The following STARD9 variants were observed in gnomAD, a reference collection of about 807,000 sequenced individuals.
STARD9 encodes StAR related lipid transfer domain containing 9, also known as stAR-related lipid transfer protein 9.
A neutral mutation model predicts 399.8 loss-of-function variants in STARD9; 346 were observed. The ratio of observed to expected loss-of-function variants is 0.87; its 90% CI spans 0.79 to 0.95. The LOEUF (loss-of-function observed/expected upper bound fraction) is 0.95, where lower values mean the gene tolerates loss of function less well. Ranked by LOEUF, STARD9 falls within the 40% of genes least tolerant of loss-of-function variation. The probability of loss-of-function intolerance (pLI) is 0.00; values close to 1 mark genes in which losing one functional copy is unlikely to be tolerated. For synonymous variants in STARD9, 2,203 were observed against 2,143.5 expected (o/e 1.03, Z -0.77); for missense variants, 5,832 against 5,667.5 (o/e 1.03, Z -0.93).
intron 3 of STARD9, 61 bp downstream of exon 3, chr15:42,585,698 T>C: frequency 9.3e-7 from 1 of 1,073,504 alleles, no homozygotes; most frequent in Non-Finnish European, 1.4e-6. Flanking sequence ...ATATTTAAGA[T>C]GTTTATTATA....
intron 7 of STARD9, among the ~76,000 whole-genome samples, chr15:42,642,558 AATCTAT>A (rs1162438364): frequency 2.0e-5 from 3 of 152,188 alleles, no homozygotes; most frequent in Non-Finnish European, 4.4e-5. Context: ...CTGTGTACTC[AATCTAT>A]AAGTCACAGG....
chr15:42,664,816 ACACACACAC>A (rs2060059662), intron 13 of STARD9, among the ~76,000 whole-genome samples: 1 of 149,580 alleles, frequency 6.7e-6, no homozygotes, highest in African/African-American at 2.5e-5. Flanking sequence ...ACACACACAC[ACACACACAC>A]CCCATACGTA....
At chr15:42,614,130 G>A (rs2058909407) in intron 3 of STARD9, among the ~76,000 whole-genome samples, 1 of 151,926 alleles carries the variant, frequency 6.6e-6, no homozygotes, top group South Asian at 2.1e-4. Context: ...GACCAACATG[G>A]TGAAACCCCG....
chr15:42,613,705 C>G (rs1379109926), intron 3 of STARD9, among the ~76,000 whole-genome samples: 1 of 152,192 alleles, frequency 6.6e-6, no homozygotes, highest in African/African-American at 2.4e-5. Flanking sequence ...TGGCTCACAC[C>G]TGTAATCCCA....
At chr15:42,619,551 C>CAAAA (rs35639156) in intron 3 of STARD9, among the ~76,000 whole-genome samples, 1 of 135,190 alleles carries the variant, frequency 7.4e-6, no homozygotes, top group Non-Finnish European at 1.6e-5. Context: ...AAGACTGTCT[C>CAAAA]AAAAAAAAAA....
rs1595728721 is a variant in STARD9, at chr15:42,663,230, A to G, written c.869-51A>G. 7 of 1,449,402 alleles carry G rather than the reference A, an allele frequency of 4.8e-6. No individual in the cohort carries two copies. The Admixed American group carries it at 6.4e-5, about 13-fold the overall frequency. 89.8% of individuals were successfully genotyped at this position (1,449,402 alleles called of 1,614,324 possible). A position where few individuals can be genotyped will look rare whatever the true frequency, so the allele number is the denominator to read the frequency against. The stretch of plus-strand genomic sequence containing the variant: ...TCCAACCATTGTTTTGTTTTAATAT[A>G]TTTGCTTCATAATTCCTTCTTTCTT... On this transcript the variant is annotated intron_variant, in intron 11 of 32. Coordinates refer to ENST00000290607, the MANE Select transcript of STARD9 (RefSeq NM_020759.3).
At chr15:42,582,081 G>A (rs2058184137) in intron 1 of STARD9, among the ~76,000 whole-genome samples, 1 of 152,210 alleles carries the variant, frequency 6.6e-6, no homozygotes, top group African/African-American at 2.4e-5. Flanking sequence ...TGAGGCTGCA[G>A]TGAGCTATGA....
intron 7 of STARD9, among the ~76,000 whole-genome samples, chr15:42,647,942 A>C (rs991675778): frequency 3.3e-5 from 5 of 152,352 alleles, no homozygotes; most frequent in African/African-American, 1.2e-4. Flanking sequence ...TTGATTTATC[A>C]AAGTCTAATA....
At chr15:42,682,695 A>G (rs1247130996) in intron 22 of STARD9, 120 bp downstream of exon 22, 1 of 781,904 alleles carries the variant, frequency 1.3e-6, no homozygotes. Flanking sequence ...AAGAATGTGT[A>G]TATTTCTCTC....
chr15:42,595,085 G>T (rs532065084), intron 3 of STARD9, among the ~76,000 whole-genome samples: 1 of 152,286 alleles, frequency 6.6e-6, no homozygotes, highest in South Asian at 2.1e-4. Flanking sequence ...TACTTTTCTT[G>T]TATCTGCTGA....
chr15:42,577,891 A>C (rs2058089513), intron 1 of STARD9, among the ~76,000 whole-genome samples: 1 of 152,128 alleles, frequency 6.6e-6, no homozygotes, highest in East Asian at 1.9e-4. Context: ...CAGTCATTGG[A>C]TCTGATGTTG....
intron 3 of STARD9, among the ~76,000 whole-genome samples, chr15:42,615,125 C>T (rs1402110901): frequency 2.0e-5 from 3 of 151,534 alleles, no homozygotes; most frequent in South Asian, 2.1e-4. Flanking sequence ...TCTCCTGCCT[C>T]AACCTCTGGA....
At position 42,718,087 on chromosome 15, in the gene STARD9, C is replaced by A. The variant is rs751136309; in HGVS notation, c.13670C>A (p.Ala4557Glu). ...VVSQPLSRVW[A>E]AVSDPTVWPL... ...TCCCAGCCGCTGTCTCGTGTGTGGG[C>A]GGCTGTCAGTGACCCCACTGTGTGG... The change falls in exon 30 of 33, where the codon GCG (alanine) becomes GAG (glutamate). Residue 4557 changes from alanine to glutamate, a missense_variant. Coordinates refer to ENST00000290607, the MANE Select transcript of STARD9 (RefSeq NM_020759.3). The A allele has an allele frequency of 6.5e-7, 1 of 1,537,228 alleles. No homozygotes were observed. Among genetic ancestry groups the A allele is most frequent in the South Asian group, 1.2e-5 (1 of 84,058 alleles).
At chr15:42,600,380 G>A (rs114643417) in intron 3 of STARD9, among the ~76,000 whole-genome samples, 438 of 152,218 alleles carry the variant, frequency 2.9e-3, no homozygotes, top group African/African-American at 9.9e-3. Context: ...TGGATACAAG[G>A]TTATAGGTTA....
In STARD9 at chr15:42,674,885, AGTT is replaced by A. The variant is rs2060277858; in HGVS notation, c.1612_1614del (p.Val538del). ...GCACTATCACCAGTGCCTGTGGTGT[AGTT>A]GTTCTACGACCTGCCCGTGGGGCCC... is the stretch of plus-strand genomic sequence containing the variant. On this transcript the variant is annotated inframe_deletion, in exon 18 of 33. Transcript: ENST00000290607. 4 of 1,536,952 alleles carry A rather than the reference AGTT, an allele frequency of 2.6e-6. No homozygotes were observed. The highest frequency in any genetic ancestry group is 2.0e-5 in the Admixed American group (1 of 50,958).
At chr15:42,644,348 C>A (rs1214397260) in intron 7 of STARD9, among the ~76,000 whole-genome samples, 1 of 152,008 alleles carries the variant, frequency 6.6e-6, no homozygotes, top group Non-Finnish European at 1.5e-5. Flanking sequence ...AAAAAATTAG[C>A]CGGGTGTGGT....
At chr15:42,657,362 A>G (rs1294751449) in intron 9 of STARD9, among the ~76,000 whole-genome samples, 1 of 149,022 alleles carries the variant, frequency 6.7e-6, no homozygotes, top group Non-Finnish European at 1.5e-5. Flanking sequence ...TTCCGTCTCA[A>G]AAAAAAAAAA....
rs1468336376 is a variant in STARD9, at chr15:42,689,363, G to A, written c.7785G>A (p.Gln2595=). ...CTTCAAGGGTTGCTGGCAGGCCTCA[G>A]TGTAAACAAATAGACCAGTCATCAT... ...ECSSRVAGRP[Q]CKQIDQSSSD... is the part of the protein sequence containing the mutation. The change falls in exon 23 of 33, where the codon CAG becomes CAA. Residue 2595 remains glutamine (Q), a synonymous_variant. Coordinates refer to ENST00000290607, the MANE Select transcript of STARD9 (RefSeq NM_020759.3). 1.8e-5 allele frequency: 28 copies of A among 1,537,332 alleles called. No homozygotes were observed. Among genetic ancestry groups the A allele is most frequent in the Non-Finnish European group, 2.3e-5 (26 of 1,146,920 alleles).
In STARD9 at chr15:42,575,629, C is replaced by G. The variant is rs907235751; in HGVS notation, c.-87C>G. 9 of 1,423,284 alleles carry G rather than the reference C, an allele frequency of 6.3e-6. No individual in the cohort carries two copies. In the Admixed American group the frequency reaches 1.2e-4, roughly 19 times the overall value. 88.2% of individuals were successfully genotyped at this position (1,423,284 alleles called of 1,614,324 possible). ...CCAGAGGCGCGTGGGGCGGGCGGGG[C>G]TGGGTTGGGGCTGTGTCTGGGCTTA... On this transcript the variant is annotated 5_prime_UTR_variant, in exon 1 of 33. Transcript: ENST00000290607.
Sources: allele counts gnomAD v4.1 joint callset (sites outside exome capture counted in the v4.1 genomes callset), GRCh38; gene constraint gnomAD v4.1.1; transcripts MANE v1.5; gene names NCBI Gene and HGNC (gene_info 2026-07-23, HGNC 2026-07-21).